The following FAM135B variants were observed in gnomAD, a reference collection of about 807,000 sequenced individuals.
FAM135B encodes the protein protein FAM135B.
A neutral mutation model predicts 127.7 loss-of-function variants in FAM135B; 43 were observed. The ratio of observed to expected loss-of-function variants is 0.34; its 90% CI spans 0.26 to 0.43. FAM135B has a LOEUF of 0.43. Ranked by LOEUF, FAM135B falls within the 20% of genes least tolerant of loss-of-function variation. The probability of loss-of-function intolerance (pLI) is 1.00; values close to 1 mark genes in which losing one functional copy is unlikely to be tolerated. For missense variants in FAM135B, 1,558 were observed against 1,725.6 expected (o/e 0.90, Z 1.72); for synonymous variants, 670 against 665.1 (o/e 1.01, Z -0.11).
chr8:138,264,227 T>G (rs1263098761), intron 4 of FAM135B, among the ~76,000 whole-genome samples: 1 of 152,210 alleles, frequency 6.6e-6, no homozygotes, highest in Non-Finnish European at 1.5e-5. Flanking sequence ...TGGGTCTCAG[T>G]TCTGCATTGG....
intron 3 of FAM135B, among the ~76,000 whole-genome samples, chr8:138,285,929 G>A (rs1824649727): frequency 1.3e-5 from 2 of 152,220 alleles, no homozygotes; most frequent in Middle Eastern, 3.4e-3. Context: ...CTGTCCATTG[G>A]CTCAAAACTT....
chr8:138,276,702 T>C (rs963589131), intron 3 of FAM135B, among the ~76,000 whole-genome samples: 12 of 152,176 alleles, frequency 7.9e-5, no homozygotes, highest in African/African-American at 2.9e-4. Flanking sequence ...TTTCCTCTCT[T>C]GGTCCCCTCC....
At chr8:138,196,388 A>G (rs180890431) in intron 8 of FAM135B, among the ~76,000 whole-genome samples, 1 of 152,212 alleles carries the variant, frequency 6.6e-6, no homozygotes, top group Non-Finnish European at 1.5e-5. Context: ...GAGCTGACAA[A>G]GCTTATAGTA....
At chr8:138,444,440 T>C (rs1835987257) in intron 1 of FAM135B, among the ~76,000 whole-genome samples, 1 of 152,072 alleles carries the variant, frequency 6.6e-6, no homozygotes, top group Non-Finnish European at 1.5e-5. Context: ...ACAGAAATTA[T>C]CACAAACTCT....
intron 6 of FAM135B, among the ~76,000 whole-genome samples, chr8:138,245,507 C>T (rs961887243): frequency 1.3e-5 from 2 of 152,160 alleles, no homozygotes; most frequent in African/African-American, 2.4e-5. Context: ...CAGCACTTCT[C>T]CTTGCTGCCG....
chr8:138,238,711 T>C (rs1820497623), intron 7 of FAM135B, among the ~76,000 whole-genome samples: 1 of 152,218 alleles, frequency 6.6e-6, no homozygotes, highest in African/African-American at 2.4e-5. Context: ...CCAATGTTAT[T>C]TGTTAATGCG....
Position 138,243,852 on chromosome 8 carries a change from T to C in FAM135B, c.543-784A>G, listed in dbSNP as rs1821064112. 6.6e-6 allele frequency among the ~76,000 whole-genome samples: 1 copy of C among 152,226 alleles called. No homozygotes were observed. Among genetic ancestry groups the C allele is most frequent in the Non-Finnish European group, 1.5e-5 (1 of 68,046 alleles). ...TATTCTTTTTTAGATCTCTTCTGTT[T>C]CATTTCTTTTCTAATGGATGTTTTG... On this transcript the variant is annotated intron_variant, in intron 6 of 19. Coordinates refer to ENST00000395297, the MANE Select transcript of FAM135B (RefSeq NM_015912.4). This position sits in a 1 kb window ranked among gnomAD's most constrained non-coding sequence, Gnocchi z 7.5.
At chr8:138,334,590 G>A (rs991354522) in intron 2 of FAM135B, among the ~76,000 whole-genome samples, 15 of 151,906 alleles carry the variant, frequency 9.9e-5, no homozygotes, top group African/African-American at 3.6e-4. Context: ...TCCCCTCTAC[G>A]TGTCCACATA....
intron 7 of FAM135B, among the ~76,000 whole-genome samples, chr8:138,214,361 A>C (rs753043516): frequency 1.3e-5 from 2 of 152,244 alleles, no homozygotes; most frequent in Non-Finnish European, 2.9e-5. Flanking sequence ...GCATGTATGC[A>C]TTTATTCAAG....
intron 2 of FAM135B, among the ~76,000 whole-genome samples, chr8:138,356,699 G>T (rs1374101816): frequency 2.6e-5 from 4 of 152,088 alleles, no homozygotes; most frequent in Non-Finnish European, 1.5e-5. Context: ...GCCTCCAATG[G>T]TGTCTTCCGT....
intron 16 of FAM135B, chr8:138,142,777 G>T: frequency 2.4e-6 from 1 of 415,378 alleles, no homozygotes; most frequent in Non-Finnish European, 4.3e-6. Context: ...TTAAGTCCAA[G>T]ACTCTTTCTA....
intron 1 of FAM135B, among the ~76,000 whole-genome samples, chr8:138,473,676 C>T (rs1014806450): frequency 5.3e-5 from 8 of 152,112 alleles, no homozygotes; most frequent in African/African-American, 1.7e-4. Context: ...TATTGATTGC[C>T]AATGAGAATA....
intron 9 of FAM135B, among the ~76,000 whole-genome samples, chr8:138,180,738 A>G (rs1814941511): frequency 6.6e-6 from 1 of 152,206 alleles, no homozygotes; most frequent in South Asian, 2.1e-4. Context: ...AACATCATTC[A>G]GCCACAGCAT....
At chr8:138,240,165 C>T (rs1475286437) in intron 7 of FAM135B, among the ~76,000 whole-genome samples, 1 of 152,092 alleles carries the variant, frequency 6.6e-6, no homozygotes, top group Non-Finnish European at 1.5e-5. Flanking sequence ...GAAAAGAAAA[C>T]TAAGTTTCCA....
At chr8:138,419,536 C>A (rs1834365816) in intron 1 of FAM135B, among the ~76,000 whole-genome samples, 1 of 152,080 alleles carries the variant, frequency 6.6e-6, no homozygotes, top group Non-Finnish European at 1.5e-5. Context: ...ACATTCCACC[C>A]AACAATAACA....
chr8:138,360,930 T>TC (rs1351849544), intron 2 of FAM135B, among the ~76,000 whole-genome samples: 5 of 570 alleles, frequency 8.8e-3, no homozygotes, highest in African/African-American at 0.036. Context: ...CATTTCTTCT[T>TC]TTTTTTTTTT....
rs115440992 is a variant in FAM135B at position 138,174,847 on chromosome 8, T to C, written c.1103+2500A>G. ...ATGCATGTTTCCCCATAGCACTCCT[T>C]ACCACTTAGCATATCATATCTATGT... On this transcript the variant is annotated intron_variant, in intron 11 of 19. Transcript: ENST00000395297. 5.4e-3 allele frequency among the ~76,000 whole-genome samples: 809 copies of C among 150,410 alleles called. 6 individuals are homozygous for C. The highest frequency in any genetic ancestry group is 0.018 in the African/African-American group (738 of 40,342).
intron 12 of FAM135B, among the ~76,000 whole-genome samples, chr8:138,154,763 T>G (rs1326512970): frequency 6.6e-6 from 1 of 151,932 alleles, no homozygotes; most frequent in Non-Finnish European, 1.5e-5. Flanking sequence ...TAAAAAGAAA[T>G]GAACAAAGCC....
intron 3 of FAM135B, among the ~76,000 whole-genome samples, chr8:138,278,814 T>C (rs1429378562): frequency 6.6e-6 from 1 of 152,146 alleles, no homozygotes; most frequent in Non-Finnish European, 1.5e-5. Context: ...CTTCATTTTC[T>C]GTAAAATGGA....
Sources: gnomAD v4.1 joint callset for allele counts (sites outside exome capture counted in the v4.1 genomes callset) on GRCh38, gnomAD v4.1.1 for gene constraint, Gnocchi (gnomAD v3.1) non-coding constraint, MANE v1.5 for transcripts, NCBI Gene and HGNC (gene_info 2026-07-23, HGNC 2026-07-21) for gene names.